Variants in CHN2 observed in about 807,000 individuals in gnomAD.
CHN2 encodes chimerin 2, also known as beta-chimaerin.
A neutral mutation model predicts 56.3 loss-of-function variants in CHN2; 35 were observed. The ratio of observed to expected loss-of-function variants is 0.62; its 90% CI spans 0.47 to 0.82. The LOEUF is 0.82. CHN2 is among the 40% of genes least tolerant of loss of function. The pLI is 0.00. For missense variants in CHN2, 491 were observed against 580.5 expected (o/e 0.85, Z 1.58); for synonymous variants, 210 against 212.8 (o/e 0.99, Z 0.12).
rs879211133 is a variant in CHN2 at position 29,512,819 on chromosome 7, T to TTTG, written c.*87_*89dup. 2.3e-5 allele frequency: 33 copies of TTTG among 1,457,570 alleles called. No individual in the cohort carries two copies. The African/African-American group carries it at 4.5e-4, about 20-fold the overall frequency. The allele number at this position is 1,457,570 out of a possible 1,614,324, so 90.3% of individuals were successfully genotyped here. On this transcript the variant is annotated 3_prime_UTR_variant, in exon 13 of 13. Transcript: ENST00000222792. Reference sequence around the variant, plus strand: ...AATAAAAACATTTCTTACCACTTGATTTGTTTTCCAAGCAAGTGCTAGAAT... The same window carrying TTTG: ...AATAAAAACATTTCTTACCACTTGATTTGTTGTTTTCCAAGCAAGTGCTAGAAT...
chr7:29,340,601 T>A (rs767382374), intron 1 of CHN2, among the ~76,000 whole-genome samples: 6 of 152,146 alleles, frequency 3.9e-5, no homozygotes, highest in Non-Finnish European at 8.8e-5. Flanking sequence ...GGAAGGCAAC[T>A]GTGTACCAAC....
intron 1 of CHN2, among the ~76,000 whole-genome samples, chr7:29,327,811 G>A (rs1221769857): frequency 5.3e-5 from 8 of 152,096 alleles, no homozygotes; most frequent in Non-Finnish European, 1.2e-4. Flanking sequence ...TCCTTGAATC[G>A]TAAAGTTTAA....
intron 2 of CHN2, among the ~76,000 whole-genome samples, chr7:29,361,185 A>T (rs1431667012): frequency 6.6e-6 from 1 of 152,228 alleles, no homozygotes. Flanking sequence ...GTGTTTGTTG[A>T]ACAAGGAAAA....
chr7:29,272,420 C>T (rs185411447), intron 1 of CHN2, among the ~76,000 whole-genome samples: 1 of 152,240 alleles, frequency 6.6e-6, no homozygotes, highest in Non-Finnish European at 1.5e-5. Context: ...ACCTCCTGGA[C>T]CAAAGCCATG....
intron 1 of CHN2, among the ~76,000 whole-genome samples, chr7:29,286,687 C>A (rs781586454): frequency 1.7e-4 from 26 of 152,258 alleles, no homozygotes; most frequent in Admixed American, 3.3e-4. Context: ...GGATGAGTTC[C>A]CAGATCCACC....
chr7:29,248,858 G>A (rs943677367), intron 1 of CHN2, among the ~76,000 whole-genome samples: 9 of 152,110 alleles, frequency 5.9e-5, no homozygotes, highest in Non-Finnish European at 1.3e-4. Context: ...AGATGAGCCG[G>A]GCTTAGAATC....
intron 6 of CHN2, among the ~76,000 whole-genome samples, chr7:29,403,914 G>C (rs888273607): frequency 2.0e-5 from 3 of 152,144 alleles, no homozygotes; most frequent in African/African-American, 7.2e-5. Flanking sequence ...TTTAACATGA[G>C]CTCAGACATT....
intron 1 of CHN2, among the ~76,000 whole-genome samples, chr7:29,287,643 T>A (rs945333400): frequency 6.6e-6 from 1 of 152,164 alleles, no homozygotes; most frequent in Non-Finnish European, 1.5e-5. Context: ...ACCCCTTGAT[T>A]TTTTTCAGCT....
chr7:29,185,148 C>T (rs902054138), intron 2 of CHN2, among the ~76,000 whole-genome samples: 1 of 152,162 alleles, frequency 6.6e-6, no homozygotes, highest in Admixed American at 6.5e-5. Context: ...CATCACCTTT[C>T]AACCCCATCT....
chr7:29,214,881 CA>C (rs1785222059), intron 1 of CHN2, among the ~76,000 whole-genome samples: 1 of 152,078 alleles, frequency 6.6e-6, no homozygotes, highest in Non-Finnish European at 1.5e-5. Context: ...GAGTGGATGC[CA>C]GCCACCATGC....
chr7:29,487,214 TTTG>T lies in CHN2; in HGVS notation c.654+6861_654+6863del, dbSNP rs1375035319. Among the ~76,000 whole-genome samples, 188 of 150,922 alleles carry T rather than the reference TTTG, an allele frequency of 1.2e-3. 1 individual carries two copies. Among genetic ancestry groups the T allele is most frequent in the Non-Finnish European group, 1.9e-3 (130 of 67,670 alleles). On this transcript the variant is annotated intron_variant, in intron 7 of 12. Coordinates refer to ENST00000222792, the MANE Select transcript of CHN2 (RefSeq NM_004067.4). ...GGTTGGGGGCTTGTTTTGTTTTTTTTTTGTTTGTTTGTTTTGTTTTGTTTTTTA... is the reference window on the plus strand; with the variant it reads ...GGTTGGGGGCTTGTTTTGTTTTTTTTTTTGTTTGTTTTGTTTTGTTTTTTA...
At chr7:29,168,758 T>G (rs1562804861) in intron 2 of CHN2, among the ~76,000 whole-genome samples, 1 of 152,230 alleles carries the variant, frequency 6.6e-6, no homozygotes, top group African/African-American at 2.4e-5. Context: ...TTCCATTATA[T>G]TATGCTAAAA....
chr7:29,507,231 G>A lies in CHN2; in HGVS notation c.995G>A (p.Gly332Asp), dbSNP rs764476160. 1 of 1,604,766 alleles carries A rather than the reference G, an allele frequency of 6.2e-7. No homozygotes were observed. The highest frequency in any genetic ancestry group is 8.5e-7 in the Non-Finnish European group (1 of 1,177,176). The change falls in exon 11 of 13, where the codon GGT (glycine) becomes GAT (aspartate). Residue 332 changes from glycine (G) to aspartate (D), a missense_variant. Coordinates refer to ENST00000222792, the MANE Select transcript of CHN2 (RefSeq NM_004067.4). ...EDVKMAFDRDGEKADISANVY... is the reference protein window; with the variant it reads ...EDVKMAFDRDDEKADISANVY... ...TGGATCACTGATTGTTTTTCAGATG[G>A]TGAAAAGGCCGATATATCTGCCAAT...
At chr7:29,150,883 C>T (rs1793500191) in intron 2 of CHN2, among the ~76,000 whole-genome samples, 1 of 152,186 alleles carries the variant, frequency 6.6e-6, no homozygotes, top group South Asian at 2.1e-4. Flanking sequence ...GTTCAATAAA[C>T]ACTTTTCTTA....
At chr7:29,265,042 T>C (rs1167837736) in intron 1 of CHN2, among the ~76,000 whole-genome samples, 2 of 152,166 alleles carry the variant, frequency 1.3e-5, no homozygotes, top group Non-Finnish European at 2.9e-5. Context: ...TGTGGAGCCT[T>C]TGGGCAACTT....
At chr7:29,147,274 G>A (rs765363704) in intron 2 of CHN2, 300 of 318,250 alleles carry the variant, frequency 9.4e-4, no homozygotes, top group Non-Finnish European at 1.4e-3. Context: ...CAACAGCAGC[G>A]TCAACTGCCA....
At position 29,473,025 on chromosome 7, in the gene CHN2, T is replaced by G. The variant is rs190543459; in HGVS notation, c.577-7254T>G. Among the ~76,000 whole-genome samples, 4 of 152,230 alleles carry G rather than the reference T, an allele frequency of 2.6e-5. No individual in the cohort carries two copies. In the East Asian group the frequency reaches 7.7e-4, roughly 29 times the overall value. On this transcript the variant is annotated intron_variant, in intron 6 of 12. Coordinates refer to ENST00000222792, the MANE Select transcript of CHN2 (RefSeq NM_004067.4). ...AATCATACTAATATACATCCAGGTG[T>G]GTGTATACATTCTCAGGGTAGCAGG...
At chr7:29,460,551 T>C (rs1211696351) in intron 6 of CHN2, among the ~76,000 whole-genome samples, 2 of 152,230 alleles carry the variant, frequency 1.3e-5, no homozygotes, top group Non-Finnish European at 2.9e-5. Context: ...AAAGGATGTT[T>C]CACAGGTGCC....
intron 1 of CHN2, among the ~76,000 whole-genome samples, chr7:29,209,547 A>G (rs1432844498): frequency 1.3e-5 from 2 of 152,214 alleles, no homozygotes; most frequent in African/African-American, 4.8e-5. Flanking sequence ...ATTAATTTAA[A>G]ACTGGATAGA....
Sources: gnomAD v4.1 joint callset for allele counts (sites outside exome capture counted in the v4.1 genomes callset) on GRCh38, gnomAD v4.1.1 for gene constraint, MANE v1.5 for transcripts, NCBI Gene and HGNC (gene_info 2026-07-23, HGNC 2026-07-21) for gene names.